NIPA1: variants seen among roughly 807,000 people sequenced by gnomAD.
NIPA1 encodes NIPA magnesium transporter 1.
NIPA1 carries 13 observed loss-of-function variants against 23.9 expected under a neutral mutation model. The observed-to-expected ratio is 0.54, with a 90% CI of 0.35 to 0.87. The LOEUF (loss-of-function observed/expected upper bound fraction) is 0.87. Among genes scored for constraint, NIPA1 ranks in the 40% least tolerant of loss-of-function variants. The probability of loss-of-function intolerance (pLI) is 0.01; values close to 1 mark genes in which losing one functional copy is unlikely to be tolerated. For missense variants in NIPA1, 362 were observed against 429.7 expected (o/e 0.84, Z 1.39); for synonymous variants, 234 against 202.9 (o/e 1.15, Z -1.30).
chr15:22,808,161 A>C lies in NIPA1; in HGVS notation c.179-2588A>C, dbSNP rs528864617. ...AACTGGTCCACAGACTTTTCACACT[A>C]GTATTCTGGACCTGATGACCTTTCA... On this transcript the variant is annotated intron_variant, in intron 1 of 4. Transcript: ENST00000337435. Among the ~76,000 whole-genome samples, 4 of 152,248 alleles carry C rather than the reference A, an allele frequency of 2.6e-5. No homozygotes were observed. In the South Asian group the frequency reaches 8.3e-4, roughly 32 times the overall value.
At chr15:22,792,358 G>A (rs952011408) in intron 1 of NIPA1, among the ~76,000 whole-genome samples, 1 of 129,784 alleles carries the variant, frequency 7.7e-6, no homozygotes, top group Non-Finnish European at 1.6e-5. Context: ...TTTGTTGGAG[G>A]CTTTTTTCTT....
At chr15:22,813,789 A>G in intron 3 of NIPA1, 1 of 432,944 alleles carries the variant, frequency 2.3e-6, no homozygotes, top group Non-Finnish European at 4.7e-6. Context: ...TTTCTCGTGA[A>G]CACATACACT....
At chr15:22,803,225 G>A (rs1047933860) in intron 1 of NIPA1, among the ~76,000 whole-genome samples, 1 of 151,928 alleles carries the variant, frequency 6.6e-6, no homozygotes, top group African/African-American at 2.4e-5. Flanking sequence ...CCAAAGTGCT[G>A]GGATTATAGG....
intron 1 of NIPA1, among the ~76,000 whole-genome samples, chr15:22,792,040 G>A (rs938084348): frequency 2.8e-4 from 43 of 152,358 alleles, no homozygotes; most frequent in African/African-American, 9.9e-4. Flanking sequence ...TCTTTGCCAT[G>A]CTTTTGGATG....
At chr15:22,794,610 G>A (rs1268003141) in intron 1 of NIPA1, among the ~76,000 whole-genome samples, 1 of 152,128 alleles carries the variant, frequency 6.6e-6, no homozygotes, top group African/African-American at 2.4e-5. Flanking sequence ...GATGTGGAGG[G>A]GAAGGGAGTT....
At chr15:22,813,349 C>T (rs539955899) in intron 3 of NIPA1, among the ~76,000 whole-genome samples, 4 of 151,980 alleles carry the variant, frequency 2.6e-5, no homozygotes, top group Middle Eastern at 3.2e-3. Flanking sequence ...AATTGATACA[C>T]ATGAGTAAGC....
chr15:22,820,480 C>G lies in NIPA1; in HGVS notation c.478+7C>G, dbSNP rs755958612. The G allele has an allele frequency of 1.9e-6, 3 of 1,611,696 alleles. No homozygotes were observed. Among genetic ancestry groups the G allele is most frequent in the South Asian group, 1.1e-5 (1 of 90,994 alleles). On this transcript the variant is annotated splice_region_variant and intron_variant, in intron 4 of 4. Coordinates refer to ENST00000337435, the MANE Select transcript of NIPA1 (RefSeq NM_144599.5). The stretch of plus-strand genomic sequence containing the variant: ...GAAAAGCTGACCAATCCAGGTAATT[C>G]CTTTCTAGCAGCACTGCCAAGAAAG...
At chr15:22,797,375 A>G (rs1894960532) in intron 1 of NIPA1, among the ~76,000 whole-genome samples, 4 of 151,708 alleles carry the variant, frequency 2.6e-5, no homozygotes, top group Admixed American at 2.0e-4. Context: ...ACACCCAGCT[A>G]ATTGTTTTTT....
chr15:22,809,483 C>T (rs1441177845), intron 1 of NIPA1, among the ~76,000 whole-genome samples: 4 of 152,074 alleles, frequency 2.6e-5, no homozygotes, highest in Admixed American at 6.6e-5. Context: ...GCGTGCTGCA[C>T]ACCTGTAATC....
chr15:22,799,278 C>T (rs552815291), intron 1 of NIPA1, among the ~76,000 whole-genome samples: 10 of 152,260 alleles, frequency 6.6e-5, no homozygotes, highest in Middle Eastern at 3.4e-3. Flanking sequence ...TCCTTCACAG[C>T]AACATGGATG....
intron 1 of NIPA1, among the ~76,000 whole-genome samples, chr15:22,799,233 G>A (rs545421884): frequency 5.3e-5 from 8 of 152,242 alleles, no homozygotes; most frequent in African/African-American, 1.7e-4. Flanking sequence ...TACACATATG[G>A]AATACTATGC....
rs1372108467 is a variant in NIPA1 at position 22,824,466 on chromosome 15, G to C, written c.*227G>C. On this transcript the variant is annotated 3_prime_UTR_variant, in exon 5 of 5. Transcript: ENST00000337435. This position sits in a 1 kb window ranked among gnomAD's most constrained non-coding sequence, Gnocchi z 4.1. ...CGGTTGCCTGGCACCATCTCTCTCTGATGAGACGAATCTCATTTTCATTTC... is the reference window on the plus strand; with the variant it reads ...CGGTTGCCTGGCACCATCTCTCTCTCATGAGACGAATCTCATTTTCATTTC... 5.4e-6 allele frequency: 3 copies of C among 555,096 alleles called. No homozygotes were observed. Among genetic ancestry groups the C allele is most frequent in the Admixed American group, 6.3e-5 (2 of 31,814 alleles). The allele number at this position is 555,096 out of a possible 1,614,324, so 34.4% of individuals were successfully genotyped here.
At chr15:22,788,498 C>CA (rs905296655) in intron 1 of NIPA1, among the ~76,000 whole-genome samples, 4,432 of 89,538 alleles carry the variant, frequency 0.049, 272 homozygotes, top group Middle Eastern at 0.09. Context: ...GACTCCATCT[C>CA]AAAAAAAAAA....
At position 22,824,676 on chromosome 15, in the gene NIPA1, AGTTGT is replaced by A; in HGVS notation, c.*441_*445del. On this transcript the variant is annotated 3_prime_UTR_variant, in exon 5 of 5. Transcript: ENST00000337435. The surrounding 1 kb of genome is among the most constrained non-coding windows in gnomAD (Gnocchi z 4.1). Reference sequence around the variant, plus strand: ...GGCACTGTACAGTGAATGTGTCTGTAGTTGTGTTAGTTTGCATTAAGCATGTATAA... The same window carrying A: ...GGCACTGTACAGTGAATGTGTCTGTAGTTAGTTTGCATTAAGCATGTATAA... 5.6e-6 allele frequency: 1 copy of A among 178,260 alleles called. No individual in the cohort carries two copies. Among genetic ancestry groups the A allele is most frequent in the South Asian group, 1.3e-4 (1 of 7,536 alleles). The allele number at this position is 178,260 out of a possible 1,614,324, so 11.0% of individuals were successfully genotyped here. A position where few individuals can be genotyped will look rare whatever the true frequency, so the allele number is the denominator to read the frequency against.
At chr15:22,823,319 A>G (rs924126084) in intron 4 of NIPA1, among the ~76,000 whole-genome samples, 4 of 150,844 alleles carry the variant, frequency 2.7e-5, no homozygotes, top group South Asian at 2.1e-4. Context: ...GGTTCAAGTG[A>G]TTCTCCTGCC....
At chr15:22,802,727 C>T (rs1345550115) in intron 1 of NIPA1, among the ~76,000 whole-genome samples, 1 of 152,126 alleles carries the variant, frequency 6.6e-6, no homozygotes, top group East Asian at 1.9e-4. Flanking sequence ...ACCAAGGTGC[C>T]TACTCTTCTG....
rs887278687 is a variant in NIPA1, at chr15:22,824,326, G to A, written c.*87G>A. ...TGGATGTGAAGTAGAAGAGGTCCTC[G>A]ATCATGGTGTTAGAATTGACTGGAT... On this transcript the variant is annotated 3_prime_UTR_variant, in exon 5 of 5. Coordinates refer to ENST00000337435, the MANE Select transcript of NIPA1 (RefSeq NM_144599.5). The surrounding 1 kb of genome is among the most constrained non-coding windows in gnomAD (Gnocchi z 4.1). The A allele has an allele frequency of 1.1e-5, 13 of 1,144,172 alleles. No individual in the cohort carries two copies. Among genetic ancestry groups the A allele is most frequent in the African/African-American group, 3.0e-5 (2 of 66,008 alleles). 70.9% of individuals were successfully genotyped at this position (1,144,172 alleles called of 1,614,324 possible).
chr15:22,798,835 CAAAAAAA>C (rs1206327395), intron 1 of NIPA1, among the ~76,000 whole-genome samples: 5 of 73,110 alleles, frequency 6.8e-5, no homozygotes, highest in African/African-American at 3.0e-4. Flanking sequence ...GACTCCGTCT[CAAAAAAA>C]AAAAAAAAAA....
chr15:22,797,217 T>A (rs1226923855), intron 1 of NIPA1, among the ~76,000 whole-genome samples: 1 of 17,532 alleles, frequency 5.7e-5, no homozygotes, highest in African/African-American at 3.2e-3. Context: ...TATATTTGGG[T>A]TTTTTTTTTT....
Sources: gnomAD v4.1 joint callset for allele counts (sites outside exome capture counted in the v4.1 genomes callset) on GRCh38, gnomAD v4.1.1 for gene constraint, Gnocchi (gnomAD v3.1) non-coding constraint, MANE v1.5 for transcripts, NCBI Gene and HGNC (gene_info 2026-07-23, HGNC 2026-07-21) for gene names.